MEGF10: variants seen among roughly 807,000 people sequenced by gnomAD.
MEGF10 encodes the protein multiple EGF like domains 10, also known as multiple epidermal growth factor-like domains protein 10.
Under a neutral mutation model 147.5 loss-of-function variants are expected in MEGF10, and 86 were observed. That is an observed-to-expected ratio of 0.58 (90% CI 0.49 to 0.70). MEGF10 has a LOEUF of 0.70. Ranked by LOEUF, MEGF10 falls within the 30% of genes least tolerant of loss-of-function variation. MEGF10 has a pLI of 0.00. For missense variants in MEGF10, 1,329 were observed against 1,487.3 expected (o/e 0.89, Z 1.75); for synonymous variants, 478 against 525.5 (o/e 0.91, Z 1.24).
chr5:127,233,500 G>A, the MEGF10 span, among the ~76,000 whole-genome samples: 1 of 152,180 alleles, frequency 6.6e-6, no homozygotes, highest in African/African-American at 2.4e-5. Context: ...AATTAGCCTG[G>A]CTACTTGCTT....
Position 127,452,417 on chromosome 5 carries a change from G to A in MEGF10, c.2981-2149G>A, listed in dbSNP as rs144825233. 3.0e-3 allele frequency among the ~76,000 whole-genome samples: 451 copies of A among 152,232 alleles called. 3 individuals are homozygous for A. Among genetic ancestry groups the A allele is most frequent in the African/African-American group, 0.01 (426 of 41,530 alleles). The stretch of plus-strand genomic sequence containing the variant: ...CCACAGACTGTGCCCCATCTTCATG[G>A]GTCCTCTTTATAAAGTCTGGGAATT... On this transcript the variant is annotated intron_variant, in intron 22 of 24. Coordinates refer to ENST00000503335, the MANE Select transcript of MEGF10 (RefSeq NM_001256545.2).
the MEGF10 span, among the ~76,000 whole-genome samples, chr5:127,257,894 CAA>C: frequency 6.6e-6 from 1 of 152,126 alleles, no homozygotes; most frequent in Non-Finnish European, 1.5e-5. Context: ...AGAGCTGTCA[CAA>C]AGAGTAAACA....
intron 1 of MEGF10, among the ~76,000 whole-genome samples, chr5:127,313,857 T>C (rs1760405580): frequency 6.6e-6 from 1 of 152,212 alleles, no homozygotes; most frequent in Non-Finnish European, 1.5e-5. Flanking sequence ...AGTAAAGCTT[T>C]TCTTTAAATA....
chr5:127,357,495 G>C (rs553597622), intron 4 of MEGF10, among the ~76,000 whole-genome samples: 106 of 151,942 alleles, frequency 7.0e-4, no homozygotes, highest in African/African-American at 2.5e-3. Flanking sequence ...GACTGAGGTG[G>C]GAGGATCACT....
chr5:127,427,920 T>C (rs1245202461), intron 13 of MEGF10, among the ~76,000 whole-genome samples: 1 of 151,880 alleles, frequency 6.6e-6, no homozygotes, highest in Non-Finnish European at 1.5e-5. Flanking sequence ...GGCTGGAGAG[T>C]GTGTCTGCAG....
At chr5:127,390,142 T>C (rs1053697197) in intron 5 of MEGF10, among the ~76,000 whole-genome samples, 1 of 152,234 alleles carries the variant, frequency 6.6e-6, no homozygotes, top group African/African-American at 2.4e-5. Flanking sequence ...CATTTCACTG[T>C]AGCTCTGTCT....
chr5:127,428,141 ATTTTTTTTTTTTTT>A (rs66935934), intron 13 of MEGF10, among the ~76,000 whole-genome samples: 2 of 103,572 alleles, frequency 1.9e-5, no homozygotes, highest in Non-Finnish European at 3.9e-5. Context: ...GGTGTCTGGT[ATTTTTTTTTTTTTT>A]TTTTTTTTTG....
Position 127,391,098 on chromosome 5 carries a change from G to GCACACA in MEGF10, c.413-5433_413-5432insACACAC, listed in dbSNP as rs1158697334. 9.0e-3 allele frequency among the ~76,000 whole-genome samples: 268 copies of GCACACA among 29,742 alleles called. 1 individual carries two copies. The highest frequency in any genetic ancestry group is 0.017 in the African/African-American group (248 of 14,318). The allele number at this position is 29,742 out of a possible 152,430, so 19.5% of individuals were successfully genotyped here. On this transcript the variant is annotated intron_variant, in intron 5 of 24. Transcript: ENST00000503335. ...CATACATACACACATGCGCGCGCGC[G>GCACACA]CGCGCACACACACACACACACACAC...
chr5:127,229,979 G>T, the MEGF10 span, among the ~76,000 whole-genome samples: 3 of 152,130 alleles, frequency 2.0e-5, no homozygotes, highest in Non-Finnish European at 4.4e-5. Context: ...TGAGATAAAT[G>T]AAAAAGAGAG....
At chr5:127,440,973 T>G in intron 18 of MEGF10, 106 bp downstream of exon 18, 1 of 1,421,380 alleles carries the variant, frequency 7.0e-7, no homozygotes, top group South Asian at 1.3e-5. Flanking sequence ...CCGAGGTTGT[T>G]TGAGCTGATG....
At chr5:127,239,272 T>G in the MEGF10 span, among the ~76,000 whole-genome samples, 1 of 151,174 alleles carries the variant, frequency 6.6e-6, no homozygotes, top group African/African-American at 2.4e-5. Flanking sequence ...CATGGGAAAT[T>G]TTGAATTTGG....
At position 127,347,280 on chromosome 5, in the gene MEGF10, T is replaced by A. The variant is rs549662888; in HGVS notation, c.319+6650T>A. ...TTGTGTTGTGTGTATACATATATAT[T>A]GTATGTTTTTTAATGTCACATAACT... is the stretch of plus-strand genomic sequence containing the variant. On this transcript the variant is annotated intron_variant, in intron 4 of 24. Coordinates refer to ENST00000503335, the MANE Select transcript of MEGF10 (RefSeq NM_001256545.2). Among the ~76,000 whole-genome samples the A allele has an allele frequency of 3.2e-4, 48 of 152,186 alleles. No homozygotes were observed. In the South Asian group the frequency reaches 9.5e-3, roughly 30 times the overall value.
At chr5:127,387,982 C>T (rs577870364) in intron 5 of MEGF10, among the ~76,000 whole-genome samples, 11 of 150,718 alleles carry the variant, frequency 7.3e-5, no homozygotes, top group South Asian at 4.2e-4. Context: ...AAAGTTATAG[C>T]GCTCTACACT....
chr5:127,452,657 G>A (rs1400955265), intron 22 of MEGF10, among the ~76,000 whole-genome samples: 1 of 152,108 alleles, frequency 6.6e-6, no homozygotes, highest in African/African-American at 2.4e-5. Flanking sequence ...AGGTGGAGAT[G>A]ATACCATATG....
intron 5 of MEGF10, among the ~76,000 whole-genome samples, chr5:127,389,813 C>T (rs1292974437): frequency 6.6e-6 from 1 of 152,046 alleles, no homozygotes; most frequent in East Asian, 1.9e-4. Context: ...AAAAAAATAA[C>T]TATTAGGTAC....
chr5:127,420,329 C>G (rs1764949624), intron 12 of MEGF10, 122 bp downstream of exon 12: 1 of 1,042,904 alleles, frequency 9.6e-7, no homozygotes, highest in Non-Finnish European at 1.4e-6. Flanking sequence ...TCGGTAACTA[C>G]TGGAAGAATC....
intron 4 of MEGF10, among the ~76,000 whole-genome samples, chr5:127,359,866 T>C (rs151012487): frequency 0.011 from 1,646 of 152,286 alleles, 32 homozygotes; most frequent in African/African-American, 0.038. Context: ...TGGGCATACA[T>C]ATGCTTTCAT....
chr5:127,433,550 C>A, intron 14 of MEGF10, 41 bp downstream of exon 14: 3 of 1,558,246 alleles, frequency 1.9e-6, no homozygotes, highest in Non-Finnish European at 2.6e-6. Context: ...CTTCCCTTCC[C>A]TGGGCACCAT....
In MEGF10 at chr5:127,398,716, T is replaced by C. The variant is rs1156618898; in HGVS notation, c.700T>C (p.Cys234Arg). Residue 234 changes from cysteine to arginine, a missense_variant, in exon 7 of 25, where the codon TGT becomes CGT. Cys to Arg is a radical substitution (Grantham distance 180). Around this residue, in one of 3 missense-constraint regions of MEGF10, gnomAD observed 980 missense variants for 1,085.9 expected, o/e 0.90. Coordinates refer to ENST00000503335, the MANE Select transcript of MEGF10 (RefSeq NM_001256545.2). ...LCPPGKHGPQ[C>R]EQRCPCQNGG... ...TCCTCCTGGTAAACATGGTCCACAG[T>C]GTGAGCAGAGATGCCCTTGTCAAAA... 4 of 1,614,110 alleles carry C rather than the reference T, an allele frequency of 2.5e-6. No individual in the cohort carries two copies. The highest frequency in any genetic ancestry group is 1.7e-4 in the Middle Eastern group (1 of 6,042).
Sources: gnomAD v4.1 joint callset for allele counts (sites outside exome capture counted in the v4.1 genomes callset) on GRCh38, gnomAD v4.1.1 for gene constraint, gnomAD v4.1.1 regional missense constraint, MANE v1.5 for transcripts, NCBI Gene and HGNC (gene_info 2026-07-23, HGNC 2026-07-21) for gene names.